Variants in FAF1 observed in about 807,000 individuals in gnomAD.
FAF1 encodes Fas associated factor 1.
FAF1 carries 25 observed loss-of-function variants against 92.5 expected under a neutral mutation model. The observed-to-expected ratio is 0.27, with a 90% CI of 0.20 to 0.38. The LOEUF is 0.38. FAF1 is among the 10% of genes least tolerant of loss of function. The pLI is 1.00. For missense variants in FAF1, 636 were observed against 793.3 expected, an observed-to-expected ratio of 0.80 and a Z score of 2.38; for synonymous variants, 234 against 273.2, an observed-to-expected ratio of 0.86 and a Z score of 1.42.
At chr1:50,545,171 T>G (rs1648949681) in intron 13 of FAF1, among the ~76,000 whole-genome samples, 1 of 151,784 alleles carries the variant, frequency 6.6e-6, no homozygotes, top group Non-Finnish European at 1.5e-5. Context: ...AAGTAAAAGA[T>G]CAACAAAAAA....
intron 13 of FAF1, among the ~76,000 whole-genome samples, chr1:50,561,150 C>G (rs918997081): frequency 6.6e-6 from 1 of 152,168 alleles, no homozygotes; most frequent in Non-Finnish European, 1.5e-5. Context: ...CCAATTACTT[C>G]TGGGGTATCA....
chr1:50,675,866 C>T (rs751884958), intron 7 of FAF1, among the ~76,000 whole-genome samples: 43 of 152,132 alleles, frequency 2.8e-4, no homozygotes, highest in Non-Finnish European at 5.1e-4. Context: ...ATTATAGTAG[C>T]TGAAACTACC....
At chr1:50,887,614 G>A (rs1449911782) in intron 1 of FAF1, among the ~76,000 whole-genome samples, 1 of 152,160 alleles carries the variant, frequency 6.6e-6, no homozygotes, top group Non-Finnish European at 1.5e-5. Flanking sequence ...GGTTTTCCCA[G>A]CACCAATTAT....
chr1:50,526,474 A>G lies in FAF1; in HGVS notation c.1494+8895T>C, dbSNP rs1044058982. On this transcript the variant is annotated intron_variant, in intron 15 of 18. Coordinates refer to ENST00000396153, the MANE Select transcript of FAF1 (RefSeq NM_007051.3). Reference sequence around the variant, plus strand: ...ATTTATTATTTTTAAATAATTTTAAAATTTTTTTCATAGAGATGGGAGTTT... The same window carrying G: ...ATTTATTATTTTTAAATAATTTTAAGATTTTTTTCATAGAGATGGGAGTTT... 2.1e-4 allele frequency among the ~76,000 whole-genome samples: 32 copies of G among 151,532 alleles called. 1 individual carries two copies. The highest frequency in any genetic ancestry group is 2.5e-4 in the Non-Finnish European group (17 of 67,944).
intron 8 of FAF1, among the ~76,000 whole-genome samples, chr1:50,616,673 G>A (rs1426515043): frequency 2.7e-5 from 4 of 148,756 alleles, no homozygotes; most frequent in Middle Eastern, 6.8e-3. Flanking sequence ...ACTGATTTTT[G>A]TATACTGATT....
chr1:50,582,529 A>G, intron 12 of FAF1, 89 bp downstream of exon 12: 2 of 854,176 alleles, frequency 2.3e-6, no homozygotes, highest in Non-Finnish European at 1.9e-6. Flanking sequence ...AACAAAAACA[A>G]AAACAGAAAA....
intron 8 of FAF1, among the ~76,000 whole-genome samples, chr1:50,604,841 A>T (rs1183811459): frequency 6.6e-6 from 1 of 152,142 alleles, no homozygotes; most frequent in Non-Finnish European, 1.5e-5. Context: ...GTGTTTTTTA[A>T]AGATGTTACA....
intron 1 of FAF1, among the ~76,000 whole-genome samples, chr1:50,887,142 A>AT (rs1317530374): frequency 1.3e-5 from 2 of 152,118 alleles, no homozygotes; most frequent in African/African-American, 4.8e-5. Context: ...GATGATGAGC[A>AT]TTTTTTCATG....
intron 13 of FAF1, among the ~76,000 whole-genome samples, chr1:50,553,381 A>G (rs1331983706): frequency 2.0e-5 from 3 of 152,244 alleles, no homozygotes; most frequent in African/African-American, 7.2e-5. Context: ...TGATGACAGG[A>G]GTAGAGATGA....
In FAF1 at chr1:50,559,788, T is replaced by C. The variant is rs745740115; in HGVS notation, c.1268+7289A>G. ...TTCACAAAACAAACCAGGGAGAAAA[T>C]GACAAACTCTCCTGGTGTTTTGGAA... On this transcript the variant is annotated intron_variant, in intron 13 of 18. Transcript: ENST00000396153. Among the ~76,000 whole-genome samples, 81 of 152,244 alleles carry C rather than the reference T, an allele frequency of 5.3e-4. 1 individual carries two copies. The Middle Eastern group carries it at 0.031, about 58-fold the overall frequency.
At chr1:50,672,926 T>C (rs1395380752) in intron 7 of FAF1, among the ~76,000 whole-genome samples, 2 of 151,970 alleles carry the variant, frequency 1.3e-5, no homozygotes. Flanking sequence ...CAGACCAGCC[T>C]GGGCAACATG....
At chr1:50,470,565 C>T (rs1417459551) in intron 18 of FAF1, among the ~76,000 whole-genome samples, 3 of 152,220 alleles carry the variant, frequency 2.0e-5, no homozygotes, top group African/African-American at 7.2e-5. Context: ...AAAGAATTCA[C>T]TGCTGCCACA....
Position 50,441,508 on chromosome 1 carries a change from G to A in FAF1, c.1885C>T (p.Pro629Ser). The change falls in exon 19 of 19, where the codon CCA becomes TCA. Residue 629 changes from proline to serine, a missense_variant. This residue lies in a region of FAF1 where 319 missense variants were observed against 451.0 expected (regional missense o/e 0.71). Coordinates refer to ENST00000396153, the MANE Select transcript of FAF1 (RefSeq NM_007051.3). ...TTTACCTCCAATAATGATTTATTTG[G>A]GTCCAGTTGAGTTACCTAAAAAGAT... ...FPRRDVTQLD[P>S]NKSLLEVKLF... 6.5e-7 allele frequency: 1 copy of A among 1,541,742 alleles called. No individual in the cohort carries two copies. Among genetic ancestry groups the A allele is most frequent in the East Asian group, 2.5e-5 (1 of 40,674 alleles).
chr1:50,599,652 A>G (rs1652001652), intron 8 of FAF1, among the ~76,000 whole-genome samples: 1 of 152,194 alleles, frequency 6.6e-6, no homozygotes, highest in South Asian at 2.1e-4. Flanking sequence ...CTATGTGACA[A>G]ATGGGAAGTA....
chr1:50,637,216 A>AC (rs1158271490), intron 8 of FAF1, among the ~76,000 whole-genome samples: 2 of 149,446 alleles, frequency 1.3e-5, no homozygotes, highest in Non-Finnish European at 3.0e-5. Context: ...CAGGTGGATC[A>AC]CCTGAGGTCA....
chr1:50,753,920 G>A (rs1462257704), intron 4 of FAF1, among the ~76,000 whole-genome samples: 1 of 151,950 alleles, frequency 6.6e-6, no homozygotes. Context: ...ACCATGCTCA[G>A]CTAATTTTTG....
chr1:50,890,270 G>A (rs1644707858), intron 1 of FAF1, among the ~76,000 whole-genome samples: 1 of 152,110 alleles, frequency 6.6e-6, no homozygotes. Flanking sequence ...CACGTGAGAT[G>A]GGTTTCCTGA....
At chr1:50,746,723 A>G (rs1659637534) in intron 4 of FAF1, among the ~76,000 whole-genome samples, 1 of 152,230 alleles carries the variant, frequency 6.6e-6, no homozygotes, top group Non-Finnish European at 1.5e-5. Flanking sequence ...GCAGAAGTTT[A>G]CATAAGTAAA....
chr1:50,933,098 G>A (rs1645061186), intron 1 of FAF1, among the ~76,000 whole-genome samples: 1 of 152,090 alleles, frequency 6.6e-6, no homozygotes, highest in African/African-American at 2.4e-5. Context: ...TGATGAGAGG[G>A]GCTGCTGTGA....
Sources: gnomAD v4.1 joint callset for allele counts (sites outside exome capture counted in the v4.1 genomes callset) on GRCh38, gnomAD v4.1.1 for gene constraint, gnomAD v4.1.1 regional missense constraint, MANE v1.5 for transcripts, NCBI Gene and HGNC (gene_info 2026-07-23, HGNC 2026-07-21) for gene names.